Variants in PLPPR1 observed in about 807,000 individuals in gnomAD.
PLPPR1 encodes the protein phospholipid phosphatase-related protein type 1.
A neutral mutation model predicts 33.1 loss-of-function variants in PLPPR1; 10 were observed. The observed-to-expected ratio is 0.30, with a 90% CI of 0.19 to 0.51. PLPPR1 has a LOEUF of 0.51. PLPPR1 is among the 20% of genes least tolerant of loss of function. The pLI, the probability that PLPPR1 is intolerant of heterozygous loss-of-function variation, is 0.97. For missense variants in PLPPR1, 304 were observed against 408.1 expected (o/e 0.74, Z 2.20); for synonymous variants, 151 against 151.0 (o/e 1.00, Z 0.00).
rs1445578931 is a variant in PLPPR1 at position 101,094,901 on chromosome 9, A to C, written c.-46+65799A>C. Reference sequence around the variant, plus strand: ...TGGGGCTTCAGTCTATCTCCATTCTAGAAACAATCTGATATTAGGCAGGAA... The same window carrying C: ...TGGGGCTTCAGTCTATCTCCATTCTCGAAACAATCTGATATTAGGCAGGAA... On this transcript the variant is annotated intron_variant, in intron 1 of 7. Coordinates refer to ENST00000374874, the MANE Select transcript of PLPPR1 (RefSeq NM_207299.2). Among the ~76,000 whole-genome samples, 3 of 152,082 alleles carry C rather than the reference A, an allele frequency of 2.0e-5. No individual in the cohort carries two copies. In the East Asian group the frequency reaches 5.8e-4, roughly 29 times the overall value.
At chr9:101,186,303 A>G (rs1323239283) in intron 2 of PLPPR1, among the ~76,000 whole-genome samples, 2 of 151,870 alleles carry the variant, frequency 1.3e-5, no homozygotes, top group African/African-American at 4.8e-5. Context: ...TGCCTTATCA[A>G]GAAAATAGGG....
At chr9:101,234,453 T>C (rs1010253365) in intron 2 of PLPPR1, among the ~76,000 whole-genome samples, 1 of 151,964 alleles carries the variant, frequency 6.6e-6, no homozygotes. Context: ...TTATAATTTA[T>C]TAAAAATGCA....
intron 1 of PLPPR1, among the ~76,000 whole-genome samples, chr9:101,145,843 CAAAAAAA>C (rs60592500): frequency 2.3e-5 from 3 of 128,292 alleles, no homozygotes; most frequent in African/African-American, 5.9e-5. Flanking sequence ...CTATTTCTAC[CAAAAAAA>C]AAAAAAAAAA....
chr9:101,112,331 A>G (rs1831067146), intron 1 of PLPPR1, among the ~76,000 whole-genome samples: 1 of 152,210 alleles, frequency 6.6e-6, no homozygotes. Context: ...GTACAGAAGG[A>G]AATAAAAGTT....
intron 2 of PLPPR1, among the ~76,000 whole-genome samples, chr9:101,221,639 C>A (rs1017367560): frequency 2.8e-4 from 43 of 152,154 alleles, no homozygotes; most frequent in African/African-American, 9.4e-4. Context: ...GTATTGCCAC[C>A]GTGCTTTAAA....
At chr9:101,129,461 A>G (rs891458095) in intron 1 of PLPPR1, among the ~76,000 whole-genome samples, 4 of 152,184 alleles carry the variant, frequency 2.6e-5, no homozygotes, top group Admixed American at 1.3e-4. Context: ...ACTAGAAACT[A>G]CCCAAAAACC....
At chr9:101,296,972 C>A (rs191490660) in intron 4 of PLPPR1, among the ~76,000 whole-genome samples, 8 of 151,712 alleles carry the variant, frequency 5.3e-5, no homozygotes, top group African/African-American at 1.7e-4. Flanking sequence ...TTTAAAAAAA[C>A]ACTATGAATC....
intron 2 of PLPPR1, among the ~76,000 whole-genome samples, chr9:101,196,726 G>C (rs375803005): frequency 6.6e-6 from 1 of 152,118 alleles, no homozygotes; most frequent in Non-Finnish European, 1.5e-5. Context: ...TTAGCTGGGC[G>C]TGGTGGCGGG....
At chr9:101,105,866 G>T (rs1830961101) in intron 1 of PLPPR1, among the ~76,000 whole-genome samples, 2 of 138,366 alleles carry the variant, frequency 1.4e-5, no homozygotes, top group African/African-American at 5.7e-5. Flanking sequence ...AGGATAGTTA[G>T]CTCCTCTTGT....
intron 1 of PLPPR1, among the ~76,000 whole-genome samples, chr9:101,081,258 C>G (rs1471491750): frequency 6.6e-6 from 1 of 152,044 alleles, no homozygotes; most frequent in Non-Finnish European, 1.5e-5. Flanking sequence ...CTCTGTCACC[C>G]GGGCTGGAGT....
intron 2 of PLPPR1, among the ~76,000 whole-genome samples, chr9:101,198,417 G>A (rs1267835455): frequency 6.6e-6 from 1 of 152,166 alleles, no homozygotes; most frequent in African/African-American, 2.4e-5. Flanking sequence ...TATTAACGGA[G>A]TCACAACCAA....
At chr9:101,181,868 A>T (rs1286152862) in intron 1 of PLPPR1, among the ~76,000 whole-genome samples, 1 of 149,338 alleles carries the variant, frequency 6.7e-6, no homozygotes, top group Non-Finnish European at 1.5e-5. Context: ...ATATATATAT[A>T]CACACACATA....
intron 1 of PLPPR1, among the ~76,000 whole-genome samples, chr9:101,167,141 G>GGGGTGTGTGTGTGTGTGTGTGTGTGTGT (rs1297322438): frequency 7.0e-4 from 28 of 39,744 alleles, no homozygotes; most frequent in Middle Eastern, 0.026. Context: ...TATGTCTCTC[G>GGGGTGTGTGTGTGTGTGTGTGTGTGTGT]GTGTGTGTGT....
intron 2 of PLPPR1, among the ~76,000 whole-genome samples, chr9:101,234,222 CT>C (rs1424125393): frequency 6.6e-6 from 1 of 151,894 alleles, no homozygotes; most frequent in African/African-American, 2.4e-5. Flanking sequence ...TTTCTCCCCC[CT>C]ACTGTTTGTA....
chr9:101,282,834 G>T (rs890506750), intron 3 of PLPPR1, among the ~76,000 whole-genome samples: 2 of 152,144 alleles, frequency 1.3e-5, no homozygotes, highest in Non-Finnish European at 2.9e-5. Flanking sequence ...TAACCAAAGA[G>T]ATGAAAAGTA....
At chr9:101,075,547 G>A (rs552301052) in intron 1 of PLPPR1, among the ~76,000 whole-genome samples, 154 of 152,304 alleles carry the variant, frequency 1.0e-3, no homozygotes, top group Non-Finnish European at 1.9e-3. Context: ...ACCAATCAAG[G>A]TAGAGTCATT....
intron 2 of PLPPR1, among the ~76,000 whole-genome samples, chr9:101,204,408 T>C (rs1350853644): frequency 6.6e-6 from 1 of 152,184 alleles, no homozygotes; most frequent in East Asian, 1.9e-4. Flanking sequence ...CAATCATCTC[T>C]GGCTTTGACC....
intron 1 of PLPPR1, among the ~76,000 whole-genome samples, chr9:101,051,524 C>T (rs967093165): frequency 6.6e-6 from 1 of 152,194 alleles, no homozygotes; most frequent in Admixed American, 6.5e-5. Flanking sequence ...GCTCCCATGT[C>T]TTAGACCTTC....
intron 1 of PLPPR1, among the ~76,000 whole-genome samples, chr9:101,138,681 C>A (rs1831408789): frequency 6.6e-6 from 1 of 152,196 alleles, no homozygotes. Flanking sequence ...GCACCAGGCA[C>A]TCTGATATGT....
Sources: gnomAD v4.1 joint callset for allele counts (sites outside exome capture counted in the v4.1 genomes callset) on GRCh38, gnomAD v4.1.1 for gene constraint, MANE v1.5 for transcripts, NCBI Gene and HGNC (gene_info 2026-07-23, HGNC 2026-07-21) for gene names.